HS6ST3: variants seen among roughly 807,000 people sequenced by gnomAD.
HS6ST3 encodes heparan-sulfate 6-O-sulfotransferase 3.
Under a neutral mutation model 36.7 loss-of-function variants are expected in HS6ST3, and 12 were observed. The ratio of observed to expected loss-of-function variants is 0.33; its 90% CI spans 0.21 to 0.53. HS6ST3 has a LOEUF of 0.53. HS6ST3 is among the 20% of genes least tolerant of loss of function. The pLI is 0.95. For synonymous variants in HS6ST3, 240 were observed against 257.5 expected (o/e 0.93, Z 0.65); for missense variants, 584 against 640.9 (o/e 0.91, Z 0.96).
chr13:96,443,837 C>A (rs1372291975), intron 1 of HS6ST3, among the ~76,000 whole-genome samples: 3 of 152,128 alleles, frequency 2.0e-5, no homozygotes, highest in African/African-American at 2.4e-5. Flanking sequence ...CTTTTGGAAT[C>A]AACCTGTAGA....
At chr13:96,399,188 G>A (rs2055436813) in intron 1 of HS6ST3, among the ~76,000 whole-genome samples, 5 of 152,182 alleles carry the variant, frequency 3.3e-5, no homozygotes, top group Non-Finnish European at 7.3e-5. Flanking sequence ...TTGCCAATTA[G>A]TATTACACAT....
At chr13:96,288,863 G>A (rs1029662473) in intron 1 of HS6ST3, among the ~76,000 whole-genome samples, 1 of 151,938 alleles carries the variant, frequency 6.6e-6, no homozygotes. Context: ...TAAGGAAATA[G>A]TAAAGTCAAC....
chr13:96,560,655 C>G (rs996003752), intron 1 of HS6ST3, among the ~76,000 whole-genome samples: 3 of 152,150 alleles, frequency 2.0e-5, no homozygotes, highest in Non-Finnish European at 2.9e-5. Flanking sequence ...GCTCCTGGAA[C>G]TGATAAACAA....
intron 1 of HS6ST3, among the ~76,000 whole-genome samples, chr13:96,641,493 C>G (rs1181404195): frequency 6.6e-6 from 1 of 151,762 alleles, no homozygotes; most frequent in African/African-American, 2.4e-5. Flanking sequence ...AACATTCACT[C>G]CATTTATATT....
rs150104797 is a variant in HS6ST3 at position 96,779,597 on chromosome 13, A to C, written c.708-52893A>C. 4.1e-3 allele frequency among the ~76,000 whole-genome samples: 630 copies of C among 152,116 alleles called. 5 individuals carry two copies. Among genetic ancestry groups the C allele is most frequent in the African/African-American group, 0.015 (603 of 41,508 alleles). ...GACATACGTGCCAAGATGATGTGAC[A>C]GTTGTTGGAAATTCAGAGTCTAAAA... On this transcript the variant is annotated intron_variant, in intron 1 of 1. Transcript: ENST00000376705.
chr13:96,432,093 A>C (rs1393621572), intron 1 of HS6ST3, among the ~76,000 whole-genome samples: 1 of 152,152 alleles, frequency 6.6e-6, no homozygotes, highest in Non-Finnish European at 1.5e-5. Flanking sequence ...ATGGAAATGG[A>C]AACTTCCATT....
At chr13:96,126,859 T>A (rs2139309342) in intron 1 of HS6ST3, among the ~76,000 whole-genome samples, 1 of 152,238 alleles carries the variant, frequency 6.6e-6, no homozygotes, top group East Asian at 1.9e-4. Flanking sequence ...CTTCAGTTTT[T>A]CACCTCTCTC....
At position 96,267,859 on chromosome 13, in the gene HS6ST3, A is replaced by G. The variant is rs146750516; in HGVS notation, c.707+176290A>G. Among the ~76,000 whole-genome samples, 527 of 152,040 alleles carry G rather than the reference A, an allele frequency of 3.5e-3. 15 individuals are homozygous for G. The highest frequency in any genetic ancestry group is 0.012 in the African/African-American group (504 of 41,360). ...TGGGAGGTTGGTTACCATTGGGCTT[A>G]TCATGTGAGGATCTTGTTGATAGGA... On this transcript the variant is annotated intron_variant, in intron 1 of 1. Transcript: ENST00000376705.
At position 96,166,504 on chromosome 13, in the gene HS6ST3, G is replaced by A. The variant is rs556608104; in HGVS notation, c.707+74935G>A. 2.8e-4 allele frequency among the ~76,000 whole-genome samples: 43 copies of A among 151,448 alleles called. No homozygotes were observed. In the South Asian group the frequency reaches 9.0e-3, roughly 32 times the overall value. On this transcript the variant is annotated intron_variant, in intron 1 of 1. Transcript: ENST00000376705. ...GTCTATTGATTAGGAATTTAATATAGTCTATAGTCTTTTAATATAGTCTAG... is the reference window on the plus strand; with the variant it reads ...GTCTATTGATTAGGAATTTAATATAATCTATAGTCTTTTAATATAGTCTAG...
intron 1 of HS6ST3, among the ~76,000 whole-genome samples, chr13:96,459,695 C>T (rs2055773182): frequency 6.6e-6 from 1 of 152,078 alleles, no homozygotes; most frequent in Non-Finnish European, 1.5e-5. Context: ...ATACATGTTC[C>T]TTTCTCAGCT....
At chr13:96,406,581 G>C (rs2055479661) in intron 1 of HS6ST3, among the ~76,000 whole-genome samples, 1 of 152,184 alleles carries the variant, frequency 6.6e-6, no homozygotes, top group South Asian at 2.1e-4. Flanking sequence ...TAACAGCAAG[G>C]TAGGAATTGC....
chr13:96,631,806 A>G (rs2056532883), intron 1 of HS6ST3, among the ~76,000 whole-genome samples: 1 of 152,212 alleles, frequency 6.6e-6, no homozygotes, highest in Non-Finnish European at 1.5e-5. Flanking sequence ...CATTTTCAGT[A>G]ACGAGAGGTC....
chr13:96,180,846 A>G (rs115961082), intron 1 of HS6ST3, among the ~76,000 whole-genome samples: 1,642 of 152,316 alleles, frequency 0.011, 34 homozygotes, highest in African/African-American at 0.038. Context: ...AGTAACAAAC[A>G]TCATCCATCC....
chr13:96,297,853 C>T (rs983901639), intron 1 of HS6ST3, among the ~76,000 whole-genome samples: 1 of 152,096 alleles, frequency 6.6e-6, no homozygotes, highest in Admixed American at 6.6e-5. Context: ...CAATTTACTG[C>T]TAATTCAGCT....
intron 1 of HS6ST3, among the ~76,000 whole-genome samples, chr13:96,622,156 A>G (rs1374159620): frequency 6.6e-6 from 1 of 152,146 alleles, no homozygotes; most frequent in East Asian, 1.9e-4. Flanking sequence ...TTTCTATGTC[A>G]AAGTGATTTA....
At chr13:96,407,425 T>C (rs1382641785) in intron 1 of HS6ST3, among the ~76,000 whole-genome samples, 1 of 152,180 alleles carries the variant, frequency 6.6e-6, no homozygotes, top group Non-Finnish European at 1.5e-5. Context: ...ACTGGTGAAA[T>C]GGGGATAATA....
At chr13:96,508,254 T>C (rs965244546) in intron 1 of HS6ST3, among the ~76,000 whole-genome samples, 56 of 152,124 alleles carry the variant, frequency 3.7e-4, no homozygotes, top group Admixed American at 9.8e-4. Context: ...CTCAAGTCTT[T>C]CTACTATAAG....
chr13:96,646,608 A>G (rs777141970), intron 1 of HS6ST3, among the ~76,000 whole-genome samples: 4 of 152,146 alleles, frequency 2.6e-5, no homozygotes, highest in Non-Finnish European at 4.4e-5. Context: ...TCTGAAAGTG[A>G]TAAGTGCATG....
intron 1 of HS6ST3, among the ~76,000 whole-genome samples, chr13:96,348,663 G>A (rs2055167453): frequency 6.6e-6 from 1 of 152,146 alleles, no homozygotes; most frequent in African/African-American, 2.4e-5. Context: ...CATCTATTTT[G>A]CCACTCAGAG....
Sources: allele counts gnomAD v4.1 joint callset (sites outside exome capture counted in the v4.1 genomes callset), GRCh38; gene constraint gnomAD v4.1.1; transcripts MANE v1.5; gene names NCBI Gene and HGNC (gene_info 2026-07-23, HGNC 2026-07-21).